WEE1: variants seen among roughly 807,000 people sequenced by gnomAD.
The protein encoded by WEE1 is WEE1 G2 checkpoint kinase, also known as wee1-like protein kinase.
WEE1 carries 16 observed loss-of-function variants against 68.8 expected under a neutral mutation model. That is an observed-to-expected ratio of 0.23 (90% CI 0.16 to 0.35). WEE1 has a LOEUF of 0.35. Among genes scored for constraint, WEE1 ranks in the 10% least tolerant of loss-of-function variants. The pLI is 1.00. For missense variants in WEE1, 651 were observed against 824.1 expected (o/e 0.79, Z 2.57); for synonymous variants, 349 against 318.7 (o/e 1.09, Z -1.01).
chr11:9,583,759 GCGCACA>G (rs1469289447), intron 6 of WEE1, among the ~76,000 whole-genome samples: 1,491 of 40,874 alleles, frequency 0.036, 66 homozygotes, highest in Middle Eastern at 0.068. Flanking sequence ...GTGCACGCGC[GCGCACA>G]CACACACACA....
At chr11:9,585,012 G>A (rs1589980781) in intron 6 of WEE1, among the ~76,000 whole-genome samples, 1 of 152,220 alleles carries the variant, frequency 6.6e-6, no homozygotes, top group Non-Finnish European at 1.5e-5. Flanking sequence ...GTTGCAGTGA[G>A]CCAAGATCAT....
At chr11:9,586,131 C>T (rs963166445) in intron 8 of WEE1, among the ~76,000 whole-genome samples, 20 of 151,964 alleles carry the variant, frequency 1.3e-4, no homozygotes, top group Admixed American at 3.3e-4. Flanking sequence ...TGTGTTTCTA[C>T]GTGTTTTGTG....
chr11:9,577,040 A>AT lies in WEE1; in HGVS notation c.1020-101dup. On this transcript the variant is annotated intron_variant, in intron 4 of 10. Transcript: ENST00000450114. ...AAGCAAGTTGCTTTTTAGCATAACA[A>AT]TAGATACCAAAAATTTATTGTATGA... 3 of 1,371,282 alleles carry AT rather than the reference A, an allele frequency of 2.2e-6. No homozygotes were observed. In the African/African-American group the frequency reaches 4.4e-5, roughly 20 times the overall value. 84.9% of individuals were successfully genotyped at this position (1,371,282 alleles called of 1,614,324 possible). A position where few individuals can be genotyped will look rare whatever the true frequency, so the allele number is the denominator to read the frequency against.
chr11:9,585,232 G>A (rs767100836), intron 6 of WEE1, 26 bp from the exon 7 acceptor site: 1 of 1,505,146 alleles, frequency 6.6e-7, no homozygotes. Flanking sequence ...TTATTAGTTT[G>A]GCTTACATAA....
chr11:9,574,385 C>T lies in WEE1; in HGVS notation c.452C>T (p.Pro151Leu), dbSNP rs776285384. 5 of 1,216,600 alleles carry T rather than the reference C, an allele frequency of 4.1e-6. No homozygotes were observed. In the East Asian group the frequency reaches 1.4e-4, roughly 34 times the overall value. The allele number at this position is 1,216,600 out of a possible 1,614,324, so 75.4% of individuals were successfully genotyped here. A position where few individuals can be genotyped will look rare whatever the true frequency, so the allele number is the denominator to read the frequency against. Residue 151 changes from proline (P) to leucine (L), a missense_variant, in exon 1 of 11, where the codon CCG (proline) becomes CTG (leucine). By Grantham distance (98) the Pro-to-Leu change is moderately conservative. Around this residue, in one of 5 missense-constraint regions of WEE1, gnomAD observed 395 missense variants for 378.4 expected, o/e 1.04. Transcript: ENST00000450114. The surrounding 1 kb of genome is among the most constrained non-coding windows in gnomAD (Gnocchi z 4.9). ...TGCGGCGGCCCAGGAGATGCGTCGC[C>T]GCGGGGTTGCGGGGCGCGCCGGGCG... is the stretch of plus-strand genomic sequence containing the variant. The part of the protein sequence containing the change: ...VRCGGPGDAS[P>L]RGCGARRAGE...
At chr11:9,583,206 G>A (rs547537000) in intron 6 of WEE1, among the ~76,000 whole-genome samples, 3 of 151,958 alleles carry the variant, frequency 2.0e-5, no homozygotes, top group East Asian at 1.9e-4. Context: ...CTAGTTACTC[G>A]GGAGGCTGAG....
At position 9,588,552 on chromosome 11, in the gene WEE1, C is replaced by A; in HGVS notation, c.1891C>A (p.Arg631=). ...RSTTQSNRTS[R]LIGKKMNRSV... is the part of the protein sequence containing the mutation. ...CACCACCCAGAGTAATAGAACATCT[C>A]GACTTATTGGAAAGAAAATGAACCG... The change falls in exon 11 of 11, where the codon CGA becomes AGA. Residue 631 remains arginine, a synonymous_variant. Transcript: ENST00000450114. The A allele has an allele frequency of 6.2e-7, 1 of 1,610,888 alleles. No homozygotes were observed. Among genetic ancestry groups the A allele is most frequent in the Non-Finnish European group, 8.5e-7 (1 of 1,179,256 alleles).
intron 6 of WEE1, among the ~76,000 whole-genome samples, chr11:9,583,802 C>T (rs867090224): frequency 0.03 from 479 of 16,138 alleles, 4 homozygotes; most frequent in Middle Eastern, 0.038. Flanking sequence ...CACACACACA[C>T]ATATATATAT....
At chr11:9,579,650 A>C (rs1173995362) in intron 5 of WEE1, 1 of 152,220 alleles carries the variant, frequency 6.6e-6, no homozygotes, top group Non-Finnish European at 1.5e-5. Context: ...GGACCTGCTA[A>C]AAAAGAGAAT....
intron 5 of WEE1, chr11:9,580,722 C>CTGGG (rs1292401598): frequency 6.6e-6 from 1 of 152,182 alleles, no homozygotes; most frequent in African/African-American, 2.4e-5. Flanking sequence ...TCCCATAGTG[C>CTGGG]TGGGATTACA....
chr11:9,574,437 G>A lies in WEE1; in HGVS notation c.504G>A (p.Pro168=), dbSNP rs986062949. The change falls in exon 1 of 11, where the codon CCG becomes CCA. Residue 168 remains proline (P), a synonymous_variant. Coordinates refer to ENST00000450114, the MANE Select transcript of WEE1 (RefSeq NM_003390.4). This position sits in a 1 kb window ranked among gnomAD's most constrained non-coding sequence, Gnocchi z 4.9. ...RAGEGRRSPR[P]DHPGTPPHKT... ...GCGAAGGCCGCCGCTCGCCGCGGCCGGACCACCCGGGCACCCCGCCACACA... is the reference window on the plus strand; with the variant it reads ...GCGAAGGCCGCCGCTCGCCGCGGCCAGACCACCCGGGCACCCCGCCACACA... 1 of 1,219,324 alleles carries A rather than the reference G, an allele frequency of 8.2e-7. No homozygotes were observed. Among genetic ancestry groups the A allele is most frequent in the African/African-American group, 1.6e-5 (1 of 62,826 alleles). The allele number at this position is 1,219,324 out of a possible 1,614,324, so 75.5% of individuals were successfully genotyped here. A position where few individuals can be genotyped will look rare whatever the true frequency, so the allele number is the denominator to read the frequency against.
chr11:9,583,784 CACACACACACACACACACATATAT>C (rs1849662103), intron 6 of WEE1, among the ~76,000 whole-genome samples: 1 of 32,452 alleles, frequency 3.1e-5, no homozygotes, highest in East Asian at 5.6e-4. Context: ...CACACACACA[CACACACACACACACACACATATAT>C]ATATATATAT....
At chr11:9,583,950 A>T (rs939905155) in intron 6 of WEE1, among the ~76,000 whole-genome samples, 80 of 149,620 alleles carry the variant, frequency 5.3e-4, no homozygotes, top group African/African-American at 1.8e-3. Context: ...GGTTCAAGCG[A>T]TTCTCCTGCC....
chr11:9,577,048 C>A, intron 4 of WEE1, 94 bp from the exon 5 acceptor site: 1 of 1,416,402 alleles, frequency 7.1e-7, no homozygotes. Context: ...CAATAGATAC[C>A]AAAAATTTAT....
intron 6 of WEE1, among the ~76,000 whole-genome samples, chr11:9,583,540 G>A (rs1251695282): frequency 2.7e-5 from 4 of 149,138 alleles, no homozygotes; most frequent in South Asian, 2.1e-4. Flanking sequence ...GCTTGAACCC[G>A]GGAGGAGGAA....
In WEE1 at chr11:9,588,632, C is replaced by T. The variant is rs1310890858; in HGVS notation, c.*30C>T. 27 of 1,485,114 alleles carry T rather than the reference C, an allele frequency of 1.8e-5. No individual in the cohort carries two copies. Among genetic ancestry groups the T allele is most frequent in the Non-Finnish European group, 2.4e-5 (27 of 1,118,922 alleles). 92.0% of individuals were successfully genotyped at this position (1,485,114 alleles called of 1,614,324 possible). A position where few individuals can be genotyped will look rare whatever the true frequency, so the allele number is the denominator to read the frequency against. ...CTCCTTTCCCACCTCCCCCTGAACA[C>T]TGTGACAAGAGGAAGCTAGGTTGAA... is the stretch of plus-strand genomic sequence containing the variant. On this transcript the variant is annotated 3_prime_UTR_variant, in exon 11 of 11. Transcript: ENST00000450114.
Position 9,589,072 on chromosome 11 carries a change from C to T in WEE1, c.*470C>T. ...TTAATTGTGAATTAGACTTGTATAT[C>T]CCACTGGGAGCACTTTGTAGGCATT... On this transcript the variant is annotated 3_prime_UTR_variant, in exon 11 of 11. Transcript: ENST00000450114. 1 of 985,478 alleles carries T rather than the reference C, an allele frequency of 1.0e-6. No individual in the cohort carries two copies. The highest frequency in any genetic ancestry group is 1.2e-6 in the Non-Finnish European group (1 of 829,854). The allele number at this position is 985,478 out of a possible 1,614,324, so 61.0% of individuals were successfully genotyped here.
In WEE1 at chr11:9,588,432, T is replaced by G. The variant is rs1398231981; in HGVS notation, c.1788-17T>G. On this transcript the variant is annotated splice_polypyrimidine_tract_variant and intron_variant, in intron 10 of 10. Transcript: ENST00000450114. ...CTCTTCCTAGGAATAATACCTTGTT[T>G]TCTATTTTTATGTCAGAGAACTCAA... 14 of 1,547,138 alleles carry G rather than the reference T, an allele frequency of 9.0e-6. No homozygotes were observed. Among genetic ancestry groups the G allele is most frequent in the Non-Finnish European group, 1.1e-5 (13 of 1,152,244 alleles).
At position 9,588,510 on chromosome 11, in the gene WEE1, C is replaced by T. The variant is rs979306559; in HGVS notation, c.1849C>T (p.Arg617Trp). ...AAEERALFTD[R>W]MATRSTTQSN... is the part of the protein sequence containing the mutation. ...TGAGGAAAGAGCACTCTTCACTGAC[C>T]GGATGGCCACTAGGTCCACCACCCA... The change falls in exon 11 of 11, where the codon CGG (arginine) becomes TGG (tryptophan). Residue 617 changes from arginine (R) to tryptophan (W), a missense_variant. This residue lies in a region of WEE1 where 115 missense variants were observed against 142.7 expected (regional missense o/e 0.81). Coordinates refer to ENST00000450114, the MANE Select transcript of WEE1 (RefSeq NM_003390.4). The T allele has an allele frequency of 2.3e-5, 37 of 1,612,290 alleles. No homozygotes were observed. Among genetic ancestry groups the T allele is most frequent in the Non-Finnish European group, 2.8e-5 (33 of 1,179,588 alleles).
Sources: gnomAD v4.1 joint callset for allele counts (sites outside exome capture counted in the v4.1 genomes callset) on GRCh38, gnomAD v4.1.1 for gene constraint, gnomAD v4.1.1 regional missense constraint, Gnocchi (gnomAD v3.1) non-coding constraint, MANE v1.5 for transcripts, NCBI Gene and HGNC (gene_info 2026-07-23, HGNC 2026-07-21) for gene names.